Variants in CBX3 observed in about 807,000 individuals in gnomAD.
CBX3 encodes the protein chromobox protein homolog 3.
CBX3 carries 5 observed loss-of-function variants against 22.6 expected under a neutral mutation model. The observed-to-expected ratio is 0.22, with a 90% CI of 0.12 to 0.47. CBX3 has a LOEUF of 0.47. Among genes scored for constraint, CBX3 ranks in the 20% least tolerant of loss-of-function variants. The pLI is 0.99. For synonymous variants in CBX3, 50 were observed against 66.6 expected (o/e 0.75, Z 1.21); for missense variants, 83 against 208.1 (o/e 0.40, Z 3.70).
intron 2 of CBX3, among the ~76,000 whole-genome samples, chr7:26,203,643 A>G (rs1325570605): frequency 2.6e-5 from 4 of 152,164 alleles, no homozygotes; most frequent in Non-Finnish European, 5.9e-5. Context: ...GTCATGTTAC[A>G]AGTTTTTTTA....
intron 2 of CBX3, among the ~76,000 whole-genome samples, chr7:26,203,236 A>G (rs886452927): frequency 6.6e-5 from 10 of 152,230 alleles, no homozygotes; most frequent in Admixed American, 2.6e-4. Context: ...AAAGAAGGCT[A>G]ATCTTTGAAG....
At chr7:26,205,100 T>A (rs917210079) in intron 2 of CBX3, among the ~76,000 whole-genome samples, 1 of 152,176 alleles carries the variant, frequency 6.6e-6, no homozygotes, top group Admixed American at 6.5e-5. Flanking sequence ...TAGCATTTGC[T>A]TTAAGATGAA....
At chr7:26,206,532 T>G in intron 3 of CBX3, 22 bp downstream of exon 3, 1 of 1,608,404 alleles carries the variant, frequency 6.2e-7, no homozygotes, top group Non-Finnish European at 8.5e-7. Flanking sequence ...TAGTGCATCT[T>G]TACTATATGT....
chr7:26,211,228 G>T (rs1023049411), intron 4 of CBX3, among the ~76,000 whole-genome samples: 6 of 152,082 alleles, frequency 3.9e-5, no homozygotes, highest in Non-Finnish European at 5.9e-5. Context: ...CAGATAGTTG[G>T]TATGAGTTTT....
intron 4 of CBX3, among the ~76,000 whole-genome samples, chr7:26,211,011 G>C (rs1342512555): frequency 9.3e-5 from 14 of 151,020 alleles, no homozygotes; most frequent in Non-Finnish European, 2.1e-4. Context: ...GCAGCCCTGG[G>C]CCACATTAGG....
Position 26,207,799 on chromosome 7 carries a change from T to A in CBX3, c.168-594T>A, listed in dbSNP as rs546227209. Among the ~76,000 whole-genome samples, 55 of 152,146 alleles carry A rather than the reference T, an allele frequency of 3.6e-4. No individual in the cohort carries two copies. The South Asian group carries it at 0.011, about 31-fold the overall frequency. On this transcript the variant is annotated intron_variant, in intron 3 of 5. Coordinates refer to ENST00000396386, the MANE Select transcript of CBX3 (RefSeq NM_016587.4). ...TCCCAAAGTGCTGGGATTACAGGTG[T>A]GAGCCACCGTGCCAGGCCAAAGAAG... is the stretch of plus-strand genomic sequence containing the variant.
rs1784839048 is a variant in CBX3, at chr7:26,212,800, A to G, written c.*592A>G. 1 of 152,274 alleles carries G rather than the reference A, an allele frequency of 6.6e-6. No individual in the cohort carries two copies. Among genetic ancestry groups the G allele is most frequent in the Non-Finnish European group, 1.5e-5 (1 of 68,052 alleles). 9.4% of individuals were successfully genotyped at this position (152,274 alleles called of 1,614,324 possible). ...AGTGAAATAAGTAATTCTAGATAGG[A>G]CAATTTAAATTGGATAATTTTAAAG... On this transcript the variant is annotated 3_prime_UTR_variant, in exon 6 of 6. Transcript: ENST00000396386.
intron 3 of CBX3, among the ~76,000 whole-genome samples, chr7:26,207,650 C>G (rs1188234943): frequency 6.6e-6 from 1 of 152,022 alleles, no homozygotes; most frequent in East Asian, 2.0e-4. Context: ...TCCTGAGTAG[C>G]TGGGACTACA....
intron 4 of CBX3, chr7:26,210,457 T>G (rs1374924085): frequency 6.6e-6 from 1 of 152,226 alleles, no homozygotes. Context: ...AAGAGGTTAA[T>G]TAACTTGCCC....
chr7:26,210,838 G>A (rs1784788691), intron 4 of CBX3, among the ~76,000 whole-genome samples: 1 of 152,042 alleles, frequency 6.6e-6, no homozygotes, highest in Admixed American at 6.6e-5. Context: ...TTTTGGTGGA[G>A]GTATATGAAG....
At chr7:26,210,411 A>G (rs1161349145) in intron 4 of CBX3, 1 of 152,268 alleles carries the variant, frequency 6.6e-6, no homozygotes, top group Non-Finnish European at 1.5e-5. Context: ...TCTGTGCAGT[A>G]GATACTAAAA....
rs531897227 is a variant in CBX3 at position 26,206,112 on chromosome 7, A to C, written c.25-256A>C. On this transcript the variant is annotated intron_variant, in intron 2 of 5. Coordinates refer to ENST00000396386, the MANE Select transcript of CBX3 (RefSeq NM_016587.4). ...TGTCTCAAAAAAAAAGACTGGAAAA[A>C]AATAACTGTTTCCAGATAGTGTTTT... The C allele has an allele frequency of 9.1e-4, 320 of 352,166 alleles. 3 individuals are homozygous for C. In the Middle Eastern group the frequency reaches 9.3e-3, roughly 10 times the overall value. The allele number at this position is 352,166 out of a possible 1,614,324, so 21.8% of individuals were successfully genotyped here. A position where few individuals can be genotyped will look rare whatever the true frequency, so the allele number is the denominator to read the frequency against.
chr7:26,211,890 G>C, intron 5 of CBX3, 134 bp downstream of exon 5: 1 of 858,140 alleles, frequency 1.2e-6, no homozygotes. Flanking sequence ...TACTAGTAGT[G>C]TTTTAAAGCA....
chr7:26,211,555 T>G (rs1562749100), intron 4 of CBX3, 107 bp from the exon 5 acceptor site: 5 of 614,674 alleles, frequency 8.1e-6, no homozygotes, highest in African/African-American at 1.9e-5. Context: ...TATGGGTTCT[T>G]GCTCTAGTCA....
Position 26,212,297 on chromosome 7 carries a change from C to A in CBX3, c.*89C>A. 1 of 804,428 alleles carries A rather than the reference C, an allele frequency of 1.2e-6. No homozygotes were observed. Among genetic ancestry groups the A allele is most frequent in the Non-Finnish European group, 1.6e-6 (1 of 615,134 alleles). 49.8% of individuals were successfully genotyped at this position (804,428 alleles called of 1,614,324 possible). Reference sequence around the variant, plus strand: ...ATTTACTAGTGTGACAAAATAACTACATCCTAATGAAAATCAAGTTTGATA... The same window carrying A: ...ATTTACTAGTGTGACAAAATAACTAAATCCTAATGAAAATCAAGTTTGATA... On this transcript the variant is annotated 3_prime_UTR_variant, in exon 6 of 6. Coordinates refer to ENST00000396386, the MANE Select transcript of CBX3 (RefSeq NM_016587.4).
intron 2 of CBX3, among the ~76,000 whole-genome samples, chr7:26,205,552 G>C (rs1784656934): frequency 6.6e-6 from 1 of 152,070 alleles, no homozygotes; most frequent in Non-Finnish European, 1.5e-5. Context: ...TCAGGATTTT[G>C]AACCATGTTT....
rs1784676854 is a variant in CBX3, at chr7:26,206,381, A to G, written c.38A>G (p.Lys13Arg). 4 of 1,603,870 alleles carry G rather than the reference A, an allele frequency of 2.5e-6. No individual in the cohort carries two copies. Among genetic ancestry groups the G allele is most frequent in the South Asian group, 2.2e-5 (2 of 89,078 alleles). Residue 13 changes from lysine to arginine, a missense_variant, in exon 3 of 6, where the codon AAA becomes AGA. Coordinates refer to ENST00000396386, the MANE Select transcript of CBX3 (RefSeq NM_016587.4). ...SNKTTLQKMG[K>R]KQNGKSKKVE... Reference sequence around the variant, plus strand: ...GTTTTATTTTAGCAAAAAATGGGAAAAAAACAGAATGGAAAGAGTAAAAAA... The same window carrying G: ...GTTTTATTTTAGCAAAAAATGGGAAGAAAACAGAATGGAAAGAGTAAAAAA...
intron 4 of CBX3, chr7:26,210,323 C>T (rs1010067925): frequency 1.3e-5 from 2 of 152,342 alleles, no homozygotes; most frequent in Non-Finnish European, 2.9e-5. Flanking sequence ...TCAGGCACAA[C>T]TTTAACAACA....
rs1231192389 is a variant in CBX3 at position 26,203,151 on chromosome 7, C to T, written c.24+129C>T. On this transcript the variant is annotated intron_variant, in intron 2 of 5. Coordinates refer to ENST00000396386, the MANE Select transcript of CBX3 (RefSeq NM_016587.4). ...TTCCCAGCTCTCCCAGTGTAAATTACAGGGGAAAATTAAGAGAAAAACGAA... is the reference window on the plus strand; with the variant it reads ...TTCCCAGCTCTCCCAGTGTAAATTATAGGGGAAAATTAAGAGAAAAACGAA... 2.1e-5 allele frequency: 15 copies of T among 711,822 alleles called. No homozygotes were observed. The South Asian group carries it at 2.5e-4, about 12-fold the overall frequency. The allele number at this position is 711,822 out of a possible 1,614,324, so 44.1% of individuals were successfully genotyped here. A position where few individuals can be genotyped will look rare whatever the true frequency, so the allele number is the denominator to read the frequency against.
Sources: gnomAD v4.1 joint callset for allele counts (sites outside exome capture counted in the v4.1 genomes callset) on GRCh38, gnomAD v4.1.1 for gene constraint, MANE v1.5 for transcripts, NCBI Gene and HGNC (gene_info 2026-07-23, HGNC 2026-07-21) for gene names.